The following RUFY1 variants were observed in gnomAD, a reference collection of about 807,000 sequenced individuals.
The protein encoded by RUFY1 is RUN and FYVE domain containing 1.
A neutral mutation model predicts 94.6 loss-of-function variants in RUFY1; 54 were observed. The observed-to-expected ratio is 0.57, with a 90% CI of 0.46 to 0.72. RUFY1 has a LOEUF of 0.72. RUFY1 is among the 30% of genes least tolerant of loss of function. The pLI is 0.00. For missense variants in RUFY1, 883 were observed against 883.9 expected (o/e 1.00, Z 0.01); for synonymous variants, 396 against 347.3 (o/e 1.14, Z -1.56).
At chr5:179,589,679 T>C in intron 9 of RUFY1, 32 bp downstream of exon 9, 1 of 1,472,144 alleles carries the variant, frequency 6.8e-7, no homozygotes, top group East Asian at 2.3e-5. Context: ...GGGCAGCATG[T>C]TTCTCACTCA....
intron 8 of RUFY1, 88 bp downstream of exon 8, chr5:179,585,953 T>G: frequency 9.6e-7 from 1 of 1,046,480 alleles, no homozygotes; most frequent in Non-Finnish European, 1.5e-6. Context: ...TAGCAGAGCT[T>G]CCTGCTGGTA....
At chr5:179,580,849 T>C (rs1419322762) in intron 6 of RUFY1, 98 bp from the exon 7 acceptor site, 48 of 667,714 alleles carry the variant, frequency 7.2e-5, no homozygotes, top group Non-Finnish European at 7.0e-5. Flanking sequence ...CTTGAAGACA[T>C]TGGTACTTCT....
intron 1 of RUFY1, among the ~76,000 whole-genome samples, chr5:179,558,182 CTT>C (rs1466349958): frequency 3.9e-5 from 6 of 152,154 alleles, no homozygotes; most frequent in Non-Finnish European, 8.8e-5. Context: ...TCTCCCTTCT[CTT>C]GATGAAGTTT....
intron 1 of RUFY1, among the ~76,000 whole-genome samples, chr5:179,553,305 G>T (rs1225351895): frequency 6.6e-6 from 1 of 152,200 alleles, no homozygotes; most frequent in Non-Finnish European, 1.5e-5. Flanking sequence ...ATCCATTAGG[G>T]CTGTAGTAAG....
intron 6 of RUFY1, among the ~76,000 whole-genome samples, chr5:179,580,305 C>G (rs1224885573): frequency 6.7e-6 from 1 of 148,622 alleles, no homozygotes; most frequent in African/African-American, 2.5e-5. Flanking sequence ...TGCAGTGGCG[C>G]CATCTCGGCT....
At position 179,564,104 on chromosome 5, in the gene RUFY1, G is replaced by A. The variant is rs1762643004; in HGVS notation, c.602+1440G>A. ...CAAGAGTAAAGCACCTACACAGACG[G>A]CGTCCTGATGTTTTCTTTTTTTTTT... On this transcript the variant is annotated intron_variant, in intron 3 of 17. Transcript: ENST00000319449. 2.7e-5 allele frequency among the ~76,000 whole-genome samples: 4 copies of A among 147,928 alleles called. No homozygotes were observed. The Admixed American group carries it at 2.8e-4, about 10-fold the overall frequency.
chr5:179,594,283 G>A (rs998387079), intron 11 of RUFY1, among the ~76,000 whole-genome samples: 12 of 150,610 alleles, frequency 8.0e-5, no homozygotes, highest in African/African-American at 2.9e-4. Context: ...CTGGGCAACA[G>A]AGCGCAACTC....
chr5:179,580,382 AC>A (rs1764049600), intron 6 of RUFY1, among the ~76,000 whole-genome samples: 2 of 151,364 alleles, frequency 1.3e-5, no homozygotes, highest in African/African-American at 4.8e-5. Flanking sequence ...AGCTGGGACT[AC>A]AGGCGCCCGC....
Position 179,593,561 on chromosome 5 carries a change from C to T in RUFY1, c.1329C>T (p.His443=), listed in dbSNP as rs73809484. 1.6e-3 allele frequency: 2,554 copies of T among 1,614,088 alleles called. 30 individuals are homozygous for T. The African/African-American group carries it at 0.022, about 14-fold the overall frequency. Residue 443 remains histidine, a synonymous_variant, in exon 11 of 18, where the codon CAC becomes CAT. Coordinates refer to ENST00000319449, the MANE Select transcript of RUFY1 (RefSeq NM_025158.5). The part of the protein sequence containing the change: ...IAMKLLEKDT[H]EKQDTLVALR... ...TGAAGTTACTGGAAAAGGACACCCA[C>T]GAGAAGCAGGACACACTAGTTGCCC...
At chr5:179,551,286 C>T (rs1761832381) in intron 1 of RUFY1, among the ~76,000 whole-genome samples, 2 of 152,392 alleles carry the variant, frequency 1.3e-5, no homozygotes, top group Non-Finnish European at 2.9e-5. Context: ...CCAGCGGCGC[C>T]TCCGCTCACC....
intron 8 of RUFY1, chr5:179,586,356 AAGG>A (rs747380758): frequency 6.6e-6 from 3 of 456,830 alleles, no homozygotes; most frequent in Admixed American, 2.3e-5. Context: ...GGACAGGACA[AAGG>A]AGGGCTGAGC....
At position 179,580,241 on chromosome 5, in the gene RUFY1, G is replaced by GTGTATA. The variant is rs149099074; in HGVS notation, c.891-705_891-704insGTATAT. Among the ~76,000 whole-genome samples the GTGTATA allele has an allele frequency of 8.5e-4, 80 of 93,884 alleles. 1 individual carries two copies. Among genetic ancestry groups the GTGTATA allele is most frequent in the African/African-American group, 2.5e-3 (70 of 28,532 alleles). 61.6% of individuals were successfully genotyped at this position (93,884 alleles called of 152,430 possible). On this transcript the variant is annotated intron_variant, in intron 6 of 17. Coordinates refer to ENST00000319449, the MANE Select transcript of RUFY1 (RefSeq NM_025158.5). ...TGTGTGTGTGTGTGTGTGTGTGTGT[G>GTGTATA]TATATTTTTTTTTTTTTTTGAGACG...
intron 1 of RUFY1, among the ~76,000 whole-genome samples, chr5:179,558,110 G>C (rs1054168674): frequency 6.6e-6 from 1 of 152,114 alleles, no homozygotes; most frequent in African/African-American, 2.4e-5. Flanking sequence ...ACTGGGCTTG[G>C]TGTCTTCTTT....
intron 17 of RUFY1, chr5:179,608,618 T>TA: frequency 1.0e-6 from 1 of 985,382 alleles, no homozygotes; most frequent in African/African-American, 1.7e-5. Context: ...ACAGCAAAAG[T>TA]AAACTTTTTG....
At chr5:179,551,030 G>GAGTAAA in intron 1 of RUFY1, 151 bp downstream of exon 1, 1 of 668,688 alleles carries the variant, frequency 1.5e-6, no homozygotes, top group Non-Finnish European at 1.9e-6. Flanking sequence ...GCTGCGCCTG[G>GAGTAAA]GTCTTTACTC....
intron 16 of RUFY1, 68 bp from the exon 17 acceptor site, chr5:179,607,514 G>A: frequency 7.5e-7 from 1 of 1,341,950 alleles, no homozygotes; most frequent in South Asian, 1.2e-5. Context: ...GATGTGGCCA[G>A]AACGCAGCTA....
intron 11 of RUFY1, among the ~76,000 whole-genome samples, chr5:179,594,416 G>A (rs1765381949): frequency 6.6e-6 from 1 of 151,046 alleles, no homozygotes; most frequent in Non-Finnish European, 1.5e-5. Context: ...TGTCATTTCA[G>A]GGTGGTCCAA....
At chr5:179,570,124 C>T (rs919662109) in intron 5 of RUFY1, among the ~76,000 whole-genome samples, 3 of 152,162 alleles carry the variant, frequency 2.0e-5, no homozygotes, top group South Asian at 4.2e-4. Flanking sequence ...GTGATCCACC[C>T]GCCTCGGCCT....
At chr5:179,584,777 C>CA (rs375808253) in intron 7 of RUFY1, among the ~76,000 whole-genome samples, 14 of 137,046 alleles carry the variant, frequency 1.0e-4, no homozygotes, top group South Asian at 7.4e-4. Context: ...CAAAAAAAAA[C>CA]AAAAAAAAGT....
Sources: gnomAD v4.1 joint callset for allele counts (sites outside exome capture counted in the v4.1 genomes callset) on GRCh38, gnomAD v4.1.1 for gene constraint, MANE v1.5 for transcripts, NCBI Gene and HGNC (gene_info 2026-07-23, HGNC 2026-07-21) for gene names.